MARCHF8: variants seen among roughly 807,000 people sequenced by gnomAD.
MARCHF8 encodes the protein E3 ubiquitin-protein ligase MARCHF8.
Under a neutral mutation model 51.6 loss-of-function variants are expected in MARCHF8, and 40 were observed. The ratio of observed to expected loss-of-function variants is 0.77; its 90% CI spans 0.60 to 1.01. The LOEUF (loss-of-function observed/expected upper bound fraction) is 1.01, where lower values mean the gene tolerates loss of function less well. Among genes scored for constraint, MARCHF8 ranks in the 50% least tolerant of loss-of-function variants. MARCHF8 has a pLI of 0.00. For synonymous variants in MARCHF8, 263 were observed against 280.3 expected, an observed-to-expected ratio of 0.94 and a Z score of 0.62; for missense variants, 685 against 708.6, an observed-to-expected ratio of 0.97 and a Z score of 0.38.
rs1159582923 is a variant in MARCHF8, at chr10:45,456,513, G to A, written c.*1726C>T. Reference sequence around the variant, plus strand: ...TAGCTTAGAGATCCTTCAGCCTCCTGGCCTTCAAAACAAACTCCAGGGCTT... The same window carrying A: ...TAGCTTAGAGATCCTTCAGCCTCCTAGCCTTCAAAACAAACTCCAGGGCTT... On this transcript the variant is annotated 3_prime_UTR_variant, in exon 8 of 8. Coordinates refer to ENST00000453424, the MANE Select transcript of MARCHF8 (RefSeq NM_001282866.2). 2 of 152,224 alleles carry A rather than the reference G, an allele frequency of 1.3e-5. No homozygotes were observed. Among genetic ancestry groups the A allele is most frequent in the Non-Finnish European group, 2.9e-5 (2 of 68,064 alleles). The allele number at this position is 152,224 out of a possible 1,614,324, so 9.4% of individuals were successfully genotyped here. A position where few individuals can be genotyped will look rare whatever the true frequency, so the allele number is the denominator to read the frequency against.
At chr10:45,584,166 T>C (rs1464640139) in intron 1 of MARCHF8, among the ~76,000 whole-genome samples, 2 of 93,574 alleles carry the variant, frequency 2.1e-5, no homozygotes, top group Non-Finnish European at 4.5e-5. Flanking sequence ...TATATATATA[T>C]ATCAAGAAAT....
intron 1 of MARCHF8, among the ~76,000 whole-genome samples, chr10:45,534,467 A>C (rs1011376304): frequency 2.0e-5 from 3 of 152,118 alleles, no homozygotes; most frequent in African/African-American, 7.2e-5. Flanking sequence ...TCTCTTACGC[A>C]TCCCCCAAAA....
At chr10:45,584,332 G>A (rs928794097) in intron 1 of MARCHF8, among the ~76,000 whole-genome samples, 3 of 151,428 alleles carry the variant, frequency 2.0e-5, no homozygotes, top group African/African-American at 7.3e-5. Context: ...TCACATGTTA[G>A]AGAATACATA....
intron 2 of MARCHF8, among the ~76,000 whole-genome samples, chr10:45,500,227 T>C (rs1270989494): frequency 2.0e-5 from 3 of 152,192 alleles, no homozygotes; most frequent in Admixed American, 1.3e-4. Flanking sequence ...CCTTTTTAGA[T>C]TGTTCATTAT....
chr10:45,514,144 G>A (rs1368703700), intron 2 of MARCHF8, among the ~76,000 whole-genome samples: 1 of 152,160 alleles, frequency 6.6e-6, no homozygotes, highest in African/African-American at 2.4e-5. Flanking sequence ...TCAAGAAACA[G>A]TTTTGTTAGA....
At chr10:45,591,254 G>A (rs371808911) in intron 1 of MARCHF8, among the ~76,000 whole-genome samples, 17 of 152,266 alleles carry the variant, frequency 1.1e-4, no homozygotes, top group African/African-American at 3.1e-4. Context: ...TCACATGGAC[G>A]CCTGAGACAC....
intron 3 of MARCHF8, among the ~76,000 whole-genome samples, chr10:45,476,671 A>C (rs11499089): frequency 0.31 from 47,791 of 151,868 alleles, 7,682 homozygotes; most frequent in Admixed American, 0.36. Flanking sequence ...AAAAAAAAAA[A>C]CAAACAGAAA....
chr10:45,537,374 C>T (rs1169623702), upstream of MARCHF8, among the ~76,000 whole-genome samples: 3 of 152,118 alleles, frequency 2.0e-5, no homozygotes, highest in African/African-American at 4.8e-5. Flanking sequence ...CTAAGTAGGC[C>T]AGGTGTGGTG....
intron 2 of MARCHF8, among the ~76,000 whole-genome samples, chr10:45,511,533 G>C (rs529977245): frequency 3.9e-5 from 6 of 152,142 alleles, no homozygotes; most frequent in African/African-American, 1.4e-4. Context: ...TCAGCCTGCC[G>C]AGTGCCTGCG....
intron 2 of MARCHF8, among the ~76,000 whole-genome samples, chr10:45,512,064 C>T (rs889314838): frequency 6.6e-6 from 1 of 150,586 alleles, no homozygotes; most frequent in Admixed American, 6.6e-5. Context: ...CCCGGCCGCC[C>T]ATCGCCTGAG....
rs150712525 is a variant in MARCHF8, at chr10:45,575,872, G to A, written c.-79+18363C>T. On this transcript the variant is annotated intron_variant, in intron 1 of 6. Transcript: ENST00000319836. ...TCCTTCTCCTGGCTCATCCTGGCTC[G>A]AAAGCTCCCCCAATGAACACCTTGT... Among the ~76,000 whole-genome samples the A allele has an allele frequency of 1.5e-3, 230 of 152,108 alleles. 2 individuals carry two copies. The East Asian group carries it at 0.022, about 14-fold the overall frequency.
chr10:45,489,535 C>A, intron 2 of MARCHF8, 118 bp from the exon 3 acceptor site: 2 of 888,844 alleles, frequency 2.3e-6, no homozygotes, highest in South Asian at 1.6e-5. Context: ...ATTTGCAAAG[C>A]ACAACCTACT....
chr10:45,476,093 A>G (rs2042782289), intron 3 of MARCHF8, among the ~76,000 whole-genome samples: 1 of 152,222 alleles, frequency 6.6e-6, no homozygotes, highest in Admixed American at 6.5e-5. Flanking sequence ...ACAGCAAATT[A>G]AGAAAACTAG....
At chr10:45,538,186 TTC>T (rs1235728723), upstream of MARCHF8, among the ~76,000 whole-genome samples, 1 of 152,198 alleles carries the variant, frequency 6.6e-6, no homozygotes, top group African/African-American at 2.4e-5. Flanking sequence ...GAAAAGAATT[TTC>T]AACCCAGAAT....
chr10:45,570,917 C>T (rs972617839), intron 1 of MARCHF8, among the ~76,000 whole-genome samples: 2 of 152,062 alleles, frequency 1.3e-5, no homozygotes, highest in African/African-American at 4.8e-5. Flanking sequence ...CCACAAAACA[C>T]TGCTGAAAGA....
chr10:45,518,858 C>T (rs2043661923), intron 2 of MARCHF8, among the ~76,000 whole-genome samples: 1 of 152,160 alleles, frequency 6.6e-6, no homozygotes. Flanking sequence ...TGCTCTTGGC[C>T]AGAATGGCTC....
At chr10:45,591,406 G>A (rs36100685) in intron 1 of MARCHF8, among the ~76,000 whole-genome samples, 9,366 of 152,002 alleles carry the variant, frequency 0.062, 331 homozygotes, top group Non-Finnish European at 0.066. Context: ...CAGAGTTGCA[G>A]TGAGCCAAGA....
At chr10:45,505,676 C>T (rs1325896258) in intron 2 of MARCHF8, among the ~76,000 whole-genome samples, 1 of 152,208 alleles carries the variant, frequency 6.6e-6, no homozygotes, top group African/African-American at 2.4e-5. Context: ...AATTTGGGAC[C>T]TCCAACAAAT....
intron 6 of MARCHF8, chr10:45,459,978 C>T (rs1293212480): frequency 2.6e-6 from 2 of 760,058 alleles, no homozygotes; most frequent in Non-Finnish European, 1.6e-6. Flanking sequence ...CAGCCTCTTT[C>T]CAGATGAGTC....
Sources: gnomAD v4.1 joint callset for allele counts (sites outside exome capture counted in the v4.1 genomes callset) on GRCh38, gnomAD v4.1.1 for gene constraint, MANE v1.5 for transcripts, NCBI Gene and HGNC (gene_info 2026-07-23, HGNC 2026-07-21) for gene names.